The following CATSPERT variants were observed in gnomAD, a reference collection of about 807,000 sequenced individuals.
The protein encoded by CATSPERT is cation channel sperm-associated targeting subunit tau.
the CATSPERT span, among the ~76,000 whole-genome samples, chr2:201,601,309 T>TGTGC: frequency 2.1e-5 from 3 of 144,736 alleles, no homozygotes; most frequent in Non-Finnish European, 4.6e-5. Flanking sequence ...TGTGTGTGTG[T>TGTGC]GTGTGTGGGT....
chr2:201,599,045 C>G, the CATSPERT span, among the ~76,000 whole-genome samples: 1 of 152,074 alleles, frequency 6.6e-6, no homozygotes, highest in Non-Finnish European at 1.5e-5. Flanking sequence ...CCTCAGCAAC[C>G]CCCAAAAGGC....
the CATSPERT span, among the ~76,000 whole-genome samples, chr2:201,561,495 G>A: frequency 1.3e-5 from 2 of 152,128 alleles, no homozygotes; most frequent in Admixed American, 6.5e-5. Context: ...TTTAGGTTAG[G>A]TTAAGAACTG....
chr2:201,614,530 G>A, the CATSPERT span, among the ~76,000 whole-genome samples: 1 of 152,134 alleles, frequency 6.6e-6, no homozygotes, highest in Admixed American at 6.5e-5. Context: ...GTCACCACCA[G>A]GCCTGCATTA....
the CATSPERT span, among the ~76,000 whole-genome samples, chr2:201,603,047 G>A: frequency 6.6e-6 from 1 of 152,126 alleles, no homozygotes; most frequent in Non-Finnish European, 1.5e-5. Context: ...TCAGACAACA[G>A]CCCAAGCTTT....
chr2:201,605,733 A>G, the CATSPERT span, among the ~76,000 whole-genome samples: 2 of 152,188 alleles, frequency 1.3e-5, no homozygotes, highest in Non-Finnish European at 2.9e-5. Flanking sequence ...ACAGAAGTAA[A>G]TTATAACATA....
chr2:201,514,475 T>C, the CATSPERT span, among the ~76,000 whole-genome samples: 1 of 152,154 alleles, frequency 6.6e-6, no homozygotes, highest in African/African-American at 2.4e-5. Context: ...TCTGACAAAA[T>C]CCAGCACCTA....
the CATSPERT span, chr2:201,493,245 T>C: frequency 1.3e-6 from 2 of 1,536,740 alleles, no homozygotes; most frequent in East Asian, 4.9e-5. Flanking sequence ...GACCATTTCT[T>C]GGCAAATACA....
chr2:201,544,369 T>C, the CATSPERT span, among the ~76,000 whole-genome samples: 1 of 152,366 alleles, frequency 6.6e-6, no homozygotes, highest in Admixed American at 6.5e-5. Context: ...TTTGGGTACA[T>C]ACCCAGTAAT....
chr2:201,529,010 T>C, the CATSPERT span, among the ~76,000 whole-genome samples: 2 of 151,936 alleles, frequency 1.3e-5, no homozygotes, highest in African/African-American at 2.4e-5. Flanking sequence ...ACCATAGCTA[T>C]ACTAAAAATA....
At chr2:201,600,976 C>T in the CATSPERT span, among the ~76,000 whole-genome samples, 1 of 152,162 alleles carries the variant, frequency 6.6e-6, no homozygotes, top group East Asian at 1.9e-4. Context: ...TCTCAAACTG[C>T]TGACATCAAG....
chr2:201,518,665 G>A, the CATSPERT span, among the ~76,000 whole-genome samples: 7 of 152,300 alleles, frequency 4.6e-5, no homozygotes, highest in South Asian at 4.1e-4. Flanking sequence ...TCAGTAAGTC[G>A]CAATGTTTGG....
the CATSPERT span, among the ~76,000 whole-genome samples, chr2:201,503,955 G>T: frequency 1.3e-5 from 2 of 152,148 alleles, no homozygotes; most frequent in African/African-American, 4.8e-5. Flanking sequence ...ACTCTCATGT[G>T]TTATGAGTCT....
chr2:201,599,190 C>T, the CATSPERT span, among the ~76,000 whole-genome samples: 4 of 152,148 alleles, frequency 2.6e-5, no homozygotes, highest in African/African-American at 9.7e-5. Context: ...TACCTCTCCA[C>T]GTTTTCATAC....
the CATSPERT span, among the ~76,000 whole-genome samples, chr2:201,538,688 T>A: frequency 2.0e-5 from 3 of 152,128 alleles, no homozygotes; most frequent in Non-Finnish European, 4.4e-5. Flanking sequence ...ACTTTTAAGT[T>A]CAATTGTACA....
chr2:201,515,205 T>G, the CATSPERT span, among the ~76,000 whole-genome samples: 34 of 5,354 alleles, frequency 6.4e-3, 1 homozygote, highest in East Asian at 0.019. Flanking sequence ...GCCCATAGTT[T>G]TTTTTTTTTT....
chr2:201,609,436 T>C, the CATSPERT span, among the ~76,000 whole-genome samples: 1 of 152,228 alleles, frequency 6.6e-6, no homozygotes, highest in Admixed American at 6.5e-5. Flanking sequence ...GACTATATCT[T>C]AGGACACAAA....
At chr2:201,516,750 T>A in the CATSPERT span, among the ~76,000 whole-genome samples, 3,014 of 149,552 alleles carry the variant, frequency 0.02, 108 homozygotes, top group African/African-American at 0.07. Context: ...TTGTGGAGAT[T>A]TTTTTTCCCC....
At chr2:201,536,097 T>A in the CATSPERT span, 1 of 1,613,472 alleles carries the variant, frequency 6.2e-7, no homozygotes, top group Non-Finnish European at 8.5e-7. Context: ...AAAAAATACA[T>A]TTTTCATTTT....
At chr2:201,612,566 T>G in the CATSPERT span, among the ~76,000 whole-genome samples, 1 of 118,926 alleles carries the variant, frequency 8.4e-6, no homozygotes, top group African/African-American at 3.3e-5. Flanking sequence ...GGCGACAGAA[T>G]GAGACTCCAT....
Sources: allele counts gnomAD v4.1 joint callset (sites outside exome capture counted in the v4.1 genomes callset), GRCh38; gene constraint gnomAD v4.1.1; transcripts MANE v1.5; gene names NCBI Gene and HGNC (gene_info 2026-07-23, HGNC 2026-07-21).